The following DOCK3 variants were observed in gnomAD, a reference collection of about 807,000 sequenced individuals.
DOCK3 encodes the protein dedicator of cytokinesis 3.
In DOCK3, 60 loss-of-function variants were observed where a neutral mutation model predicts 265.6. That is an observed-to-expected ratio of 0.23 (90% confidence interval 0.18 to 0.28). The LOEUF is 0.28. Among genes scored for constraint, DOCK3 ranks in the 10% least tolerant of loss-of-function variants. The probability of loss-of-function intolerance (pLI) is 1.00; values close to 1 mark genes in which losing one functional copy is unlikely to be tolerated. For missense variants in DOCK3, 1,981 were observed against 2,594.3 expected (o/e 0.76, Z 5.14); for synonymous variants, 881 against 938.0 (o/e 0.94, Z 1.11).
At chr3:50,804,019 A>G (rs942953883) in intron 2 of DOCK3, among the ~76,000 whole-genome samples, 1 of 151,194 alleles carries the variant, frequency 6.6e-6, no homozygotes, top group Non-Finnish European at 1.5e-5. Context: ...CACCTCCCAG[A>G]CGGGGTGGTG....
intron 6 of DOCK3, among the ~76,000 whole-genome samples, chr3:51,074,937 GTTTGAC>G (rs551736732): frequency 2.1e-4 from 32 of 152,264 alleles, no homozygotes; most frequent in African/African-American, 7.0e-4. Context: ...AATTTTATGT[GTTTGAC>G]TTTGAATTAC....
At chr3:51,333,301 C>T in intron 35 of DOCK3, 48 bp downstream of exon 35, 1 of 1,570,152 alleles carries the variant, frequency 6.4e-7, no homozygotes, top group Non-Finnish European at 8.7e-7. Flanking sequence ...AGGATACTCT[C>T]TCTGGCAAGG....
chr3:51,186,769 A>G lies in DOCK3; in HGVS notation c.1038-22005A>G, dbSNP rs578172972. Among the ~76,000 whole-genome samples the G allele has an allele frequency of 3.9e-5, 6 of 152,312 alleles. No homozygotes were observed. The East Asian group carries it at 1.2e-3, about 29-fold the overall frequency. On this transcript the variant is annotated intron_variant, in intron 12 of 52. Coordinates refer to ENST00000266037, the MANE Select transcript of DOCK3 (RefSeq NM_004947.5). ...AAACCTTGGGCCGTGGCTTCAAAGG[A>G]TGCAAGCCTCAAGCCTTGGCAGCTT...
intron 12 of DOCK3, among the ~76,000 whole-genome samples, chr3:51,173,832 A>G (rs773709353): frequency 7.9e-5 from 12 of 152,208 alleles, no homozygotes; most frequent in Admixed American, 3.9e-4. Flanking sequence ...ATGAATCTGG[A>G]TGTCCTTATC....
intron 13 of DOCK3, among the ~76,000 whole-genome samples, chr3:51,212,106 T>G (rs572559840): frequency 6.6e-6 from 1 of 152,326 alleles, no homozygotes; most frequent in Non-Finnish European, 1.5e-5. Context: ...AGTTCCAAGA[T>G]CTCAACTCTA....
chr3:51,030,161 AG>A (rs2079989379), intron 5 of DOCK3, among the ~76,000 whole-genome samples: 1 of 152,174 alleles, frequency 6.6e-6, no homozygotes. Flanking sequence ...CATTCCAACA[AG>A]TCCTGGCTCT....
chr3:51,218,291 G>T (rs769524065), intron 14 of DOCK3, among the ~76,000 whole-genome samples: 2 of 151,964 alleles, frequency 1.3e-5, no homozygotes, highest in Non-Finnish European at 2.9e-5. Context: ...AAAATTAGCC[G>T]GGCATGGTGG....
chr3:50,944,944 G>A (rs529445153), intron 5 of DOCK3, among the ~76,000 whole-genome samples: 4 of 152,238 alleles, frequency 2.6e-5, no homozygotes, highest in African/African-American at 9.6e-5. Context: ...TGGGCAACAA[G>A]AATGAAACTC....
rs78871831 is a variant in DOCK3, at chr3:51,121,621, C to A, written c.747-24928C>A. ...GTTGAGTTATGATAAGTTTTAAAGA[C>A]AATTGGAAGACATTTATGTCCAGTG... On this transcript the variant is annotated intron_variant, in intron 9 of 52. Coordinates refer to ENST00000266037, the MANE Select transcript of DOCK3 (RefSeq NM_004947.5). Among the ~76,000 whole-genome samples, 527 of 152,048 alleles carry A rather than the reference C, an allele frequency of 3.5e-3. 4 individuals carry two copies. Among genetic ancestry groups the A allele is most frequent in the African/African-American group, 0.012 (507 of 41,474 alleles).
At chr3:50,678,990 T>C (rs981624152) in intron 1 of DOCK3, among the ~76,000 whole-genome samples, 4 of 152,014 alleles carry the variant, frequency 2.6e-5, no homozygotes, top group African/African-American at 9.7e-5. Flanking sequence ...TGTTTTTGTA[T>C]TTTTAGTAGA....
chr3:50,887,712 A>G (rs1351217741), intron 3 of DOCK3, among the ~76,000 whole-genome samples: 2 of 126,796 alleles, frequency 1.6e-5, no homozygotes, highest in South Asian at 3.0e-4. Flanking sequence ...GGTTCAACAT[A>G]CACAAATCAA....
chr3:50,739,082 G>T (rs1211228769), intron 1 of DOCK3, among the ~76,000 whole-genome samples: 1 of 152,064 alleles, frequency 6.6e-6, no homozygotes, highest in African/African-American at 2.4e-5. Flanking sequence ...GGGTTATTTA[G>T]ATTTAGGTAT....
At chr3:51,256,970 A>G (rs569557907) in intron 22 of DOCK3, among the ~76,000 whole-genome samples, 1 of 152,224 alleles carries the variant, frequency 6.6e-6, no homozygotes, top group Non-Finnish European at 1.5e-5. Flanking sequence ...GCTAGACCGG[A>G]TGTAGAAGAT....
chr3:50,972,696 T>G (rs953691145), intron 5 of DOCK3, among the ~76,000 whole-genome samples: 1 of 152,148 alleles, frequency 6.6e-6, no homozygotes, highest in Non-Finnish European at 1.5e-5. Flanking sequence ...AGGACTCCAG[T>G]GATGTGGAAA....
intron 2 of DOCK3, among the ~76,000 whole-genome samples, chr3:50,810,325 C>T (rs1200271670): frequency 4.6e-5 from 7 of 151,784 alleles, no homozygotes; most frequent in African/African-American, 9.7e-5. Flanking sequence ...CCGAGGCGGG[C>T]GGATCACTTG....
intron 1 of DOCK3, among the ~76,000 whole-genome samples, chr3:50,778,452 A>G (rs1024119286): frequency 6.6e-6 from 1 of 152,068 alleles, no homozygotes; most frequent in African/African-American, 2.4e-5. Flanking sequence ...TGCACCCACC[A>G]CTCATGGATA....
chr3:50,928,343 T>C (rs1350286975), intron 4 of DOCK3, among the ~76,000 whole-genome samples: 1 of 152,072 alleles, frequency 6.6e-6, no homozygotes, highest in Non-Finnish European at 1.5e-5. Flanking sequence ...TCTATTCTAT[T>C]TTCTGTCTCT....
intron 1 of DOCK3, among the ~76,000 whole-genome samples, chr3:50,739,656 C>T (rs1031471287): frequency 6.6e-6 from 1 of 152,068 alleles, no homozygotes. Context: ...GATCTCTACC[C>T]ATTTATATGC....
intron 19 of DOCK3, 57 bp downstream of exon 19, chr3:51,229,666 C>G: frequency 7.7e-7 from 1 of 1,304,628 alleles, no homozygotes; most frequent in Non-Finnish European, 1.0e-6. Flanking sequence ...GGCAGAAGAC[C>G]TTACTTTGTC....
Sources: allele counts gnomAD v4.1 joint callset (sites outside exome capture counted in the v4.1 genomes callset), GRCh38; gene constraint gnomAD v4.1.1; transcripts MANE v1.5; gene names NCBI Gene and HGNC (gene_info 2026-07-23, HGNC 2026-07-21).